The following AHR variants were observed in gnomAD, a reference collection of about 807,000 sequenced individuals.
AHR encodes the protein AH-receptor.
AHR carries 40 observed loss-of-function variants against 86.8 expected under a neutral mutation model. The observed-to-expected ratio is 0.46, with a 90% CI of 0.36 to 0.60. AHR has a LOEUF of 0.60. Among genes scored for constraint, AHR ranks in the 20% least tolerant of loss-of-function variants. The probability of loss-of-function intolerance (pLI) is 0.00; values close to 1 mark genes in which losing one functional copy is unlikely to be tolerated. For synonymous variants in AHR, 398 were observed against 354.9 expected (o/e 1.12, Z -1.37); for missense variants, 1,001 against 1,011.6 (o/e 0.99, Z 0.14).
intron 1 of AHR, among the ~76,000 whole-genome samples, chr7:17,306,631 A>C (rs925611824): frequency 6.6e-6 from 1 of 152,096 alleles, no homozygotes; most frequent in African/African-American, 2.4e-5. Flanking sequence ...GTCTATCCTC[A>C]AGCCACTTTT....
Position 17,335,736 on chromosome 7 carries a change from T to G in AHR, c.1110T>G (p.Leu370=). The G allele has an allele frequency of 6.2e-7, 1 of 1,613,058 alleles. No homozygotes were observed. The highest frequency in any genetic ancestry group is 1.1e-5 in the South Asian group (1 of 90,900). The change falls in exon 9 of 11, where the codon CTT becomes CTG. Residue 370 remains leucine (L), a synonymous_variant. Transcript: ENST00000242057. ...WTWVQSNARL[L]YKNGRPDYII... ...GGGTCCAGTCTAATGCACGCCTGCTTTATAAAAATGGAAGACCAGATTATA... is the reference window on the plus strand; with the variant it reads ...GGGTCCAGTCTAATGCACGCCTGCTGTATAAAAATGGAAGACCAGATTATA...
chr7:17,321,691 G>T (rs926700486), intron 2 of AHR, among the ~76,000 whole-genome samples: 5 of 151,536 alleles, frequency 3.3e-5, no homozygotes, highest in Non-Finnish European at 5.9e-5. Flanking sequence ...CATGCCATCA[G>T]ACTTTCCTTC....
In AHR at chr7:17,329,950, A is replaced by T. The variant is rs1168895793; in HGVS notation, c.451-2A>T. ...TGTATTCCTTGTATCTTTTTTCTTTAGTCTGATGTCATACATCAGAGTGTA... is the reference window on the plus strand; with the variant it reads ...TGTATTCCTTGTATCTTTTTTCTTTTGTCTGATGTCATACATCAGAGTGTA... On this transcript the variant is annotated splice_acceptor_variant, in intron 4 of 10. Transcript: ENST00000242057. LOFTEE classifies it high-confidence loss of function. The T allele has an allele frequency of 1.3e-6, 2 of 1,598,612 alleles. No homozygotes were observed. The highest frequency in any genetic ancestry group is 1.8e-5 in the Admixed American group (1 of 56,734).
chr7:17,313,439 A>G (rs1027234636), intron 2 of AHR, among the ~76,000 whole-genome samples: 1 of 152,162 alleles, frequency 6.6e-6, no homozygotes, highest in Non-Finnish European at 1.5e-5. Flanking sequence ...TAATCATACA[A>G]TCTTGTTAGA....
intron 1 of AHR, among the ~76,000 whole-genome samples, chr7:17,309,138 C>G (rs780577454): frequency 3.2e-4 from 49 of 152,158 alleles, no homozygotes; most frequent in Non-Finnish European, 5.9e-4. Flanking sequence ...AACTCATGTT[C>G]CTCTTTGACC....
chr7:17,311,633 T>C (rs2115353838), intron 2 of AHR, among the ~76,000 whole-genome samples: 1 of 152,328 alleles, frequency 6.6e-6, no homozygotes, highest in African/African-American at 2.4e-5. Flanking sequence ...TTGAGGATAG[T>C]GATTTCAGGA....
At position 17,340,021 on chromosome 7, in the gene AHR, T is replaced by G; in HGVS notation, c.2196T>G (p.Thr732=). ...TTGAACCATCCCCATACCCCACTAC[T>G]TCTAGTTTAGAAGATTTTGTCACTT... is the stretch of plus-strand genomic sequence containing the variant. ...GSFEPSPYPT[T]SSLEDFVTCL... Residue 732 remains threonine (T), a synonymous_variant, in exon 10 of 11, where the codon ACT becomes ACG. Coordinates refer to ENST00000242057, the MANE Select transcript of AHR (RefSeq NM_001621.5). The G allele has an allele frequency of 6.2e-7, 1 of 1,614,206 alleles. No homozygotes were observed. Among genetic ancestry groups the G allele is most frequent in the East Asian group, 2.2e-5 (1 of 44,880 alleles).
At chr7:17,313,939 G>A (rs1782091361) in intron 2 of AHR, among the ~76,000 whole-genome samples, 1 of 152,068 alleles carries the variant, frequency 6.6e-6, no homozygotes, top group Non-Finnish European at 1.5e-5. Context: ...TGTACACTGG[G>A]CTTGTTGATC....
rs922064445 is a variant in AHR at position 17,343,890 on chromosome 7, A to G, written c.*826A>G. ...CCTTATGTTGAAAAAATTTAAAAGT[A>G]AAATGTCTTTCCAAATTATTTCTTA... On this transcript the variant is annotated 3_prime_UTR_variant, in exon 11 of 11. Coordinates refer to ENST00000242057, the MANE Select transcript of AHR (RefSeq NM_001621.5). 2 of 152,572 alleles carry G rather than the reference A, an allele frequency of 1.3e-5. No homozygotes were observed. Among genetic ancestry groups the G allele is most frequent in the Non-Finnish European group, 2.9e-5 (2 of 67,998 alleles). The allele number at this position is 152,572 out of a possible 1,614,324, so 9.5% of individuals were successfully genotyped here. A position where few individuals can be genotyped will look rare whatever the true frequency, so the allele number is the denominator to read the frequency against.
intron 10 of AHR, among the ~76,000 whole-genome samples, chr7:17,341,572 A>T (rs556624461): frequency 6.6e-6 from 1 of 152,282 alleles, no homozygotes; most frequent in African/African-American, 2.4e-5. Context: ...CTCAATATTG[A>T]GCCACTGAGT....
rs1321252790 is a variant in AHR at position 17,343,174 on chromosome 7, A to G, written c.*110A>G. 2.4e-6 allele frequency: 3 copies of G among 1,255,622 alleles called. No homozygotes were observed. In the African/African-American group the frequency reaches 4.5e-5, roughly 19 times the overall value. 77.8% of individuals were successfully genotyped at this position (1,255,622 alleles called of 1,614,324 possible). On this transcript the variant is annotated 3_prime_UTR_variant, in exon 11 of 11. Coordinates refer to ENST00000242057, the MANE Select transcript of AHR (RefSeq NM_001621.5). ...TCAGCAAGTTCACATGGAGGCATTG[A>G]TGCATGCTATTCACAATTATTCCAA... is the stretch of plus-strand genomic sequence containing the variant.
Position 17,343,196 on chromosome 7 carries a change from C to T in AHR, c.*132C>T, listed in dbSNP as rs1782444824. ...TTGATGCATGCTATTCACAATTATT[C>T]CAAACCAAATTTTAATTTTTGCTTT... On this transcript the variant is annotated 3_prime_UTR_variant, in exon 11 of 11. Coordinates refer to ENST00000242057, the MANE Select transcript of AHR (RefSeq NM_001621.5). 7.2e-6 allele frequency: 8 copies of T among 1,108,856 alleles called. No homozygotes were observed. Among genetic ancestry groups the T allele is most frequent in the Non-Finnish European group, 1.1e-5 (8 of 753,320 alleles). 68.7% of individuals were successfully genotyped at this position (1,108,856 alleles called of 1,614,324 possible).
chr7:17,345,922 G>A lies in AHR; in HGVS notation c.*2858G>A, dbSNP rs757369453. 4 of 152,636 alleles carry A rather than the reference G, an allele frequency of 2.6e-5. No individual in the cohort carries two copies. Among genetic ancestry groups the A allele is most frequent in the Non-Finnish European group, 5.9e-5 (4 of 67,986 alleles). 9.5% of individuals were successfully genotyped at this position (152,636 alleles called of 1,614,324 possible). ...GTACCAGGTTTTTCTTACAATACCTGAAGACTTACCAGTATTCTAGTGTAT... is the reference window on the plus strand; with the variant it reads ...GTACCAGGTTTTTCTTACAATACCTAAAGACTTACCAGTATTCTAGTGTAT... On this transcript the variant is annotated 3_prime_UTR_variant, in exon 11 of 11. Coordinates refer to ENST00000242057, the MANE Select transcript of AHR (RefSeq NM_001621.5).
intron 2 of AHR, among the ~76,000 whole-genome samples, chr7:17,310,952 A>G (rs1016293530): frequency 3.3e-5 from 5 of 152,170 alleles, no homozygotes; most frequent in African/African-American, 1.2e-4. Flanking sequence ...TTCATTCTCT[A>G]TTGTGTCACT....
Position 17,338,990 on chromosome 7 carries a change from G to T in AHR, c.1165G>T (p.Glu389Ter). 1 of 1,592,214 alleles carries T rather than the reference G, an allele frequency of 6.3e-7. No individual in the cohort carries two copies. The highest frequency in any genetic ancestry group is 8.6e-7 in the Non-Finnish European group (1 of 1,168,076). Residue 389 changes from glutamate to a stop codon, truncating the protein, a stop_gained, in exon 10 of 11, where the codon GAG becomes TAG. Coordinates refer to ENST00000242057, the MANE Select transcript of AHR (RefSeq NM_001621.5). LOFTEE classifies it high-confidence loss of function. ...CTTTTTTGTACACAATTTTAGAGATGAGGAAGGAACAGAGCATTTACGAAA... is the reference window on the plus strand; with the variant it reads ...CTTTTTTGTACACAATTTTAGAGATTAGGAAGGAACAGAGCATTTACGAAA... ...IIVTQRPLTD[E>*]EGTEHLRKRN...
intron 9 of AHR, among the ~76,000 whole-genome samples, chr7:17,338,399 A>G (rs868585647): frequency 3.3e-5 from 5 of 152,086 alleles, no homozygotes; most frequent in Non-Finnish European, 7.3e-5. Flanking sequence ...TCTGTCACCT[A>G]TGCTGGAATG....
At chr7:17,300,885 T>G (rs1781948631) in intron 1 of AHR, among the ~76,000 whole-genome samples, 1 of 152,082 alleles carries the variant, frequency 6.6e-6, no homozygotes, top group Admixed American at 6.5e-5. Flanking sequence ...CTGATGTGTT[T>G]TTAAGATACT....
intron 2 of AHR, among the ~76,000 whole-genome samples, chr7:17,313,000 C>T (rs1439804102): frequency 1.3e-5 from 2 of 152,084 alleles, no homozygotes; most frequent in Non-Finnish European, 2.9e-5. Flanking sequence ...ATGACAAATG[C>T]AAACATACAA....
chr7:17,329,898 G>T, intron 4 of AHR, 54 bp from the exon 5 acceptor site: 2 of 1,500,566 alleles, frequency 1.3e-6, no homozygotes, highest in Non-Finnish European at 9.0e-7. Flanking sequence ...AATTAATTTA[G>T]CCATATTTTT....
Sources: allele counts gnomAD v4.1 joint callset (sites outside exome capture counted in the v4.1 genomes callset), GRCh38; gene constraint gnomAD v4.1.1; transcripts MANE v1.5; gene names NCBI Gene and HGNC (gene_info 2026-07-23, HGNC 2026-07-21).